The following PTPRO variants were observed in gnomAD, a reference collection of about 807,000 sequenced individuals.
PTPRO encodes receptor-type tyrosine-protein phosphatase O.
In PTPRO, 62 loss-of-function variants were observed where a neutral mutation model predicts 145.2. The ratio of observed to expected loss-of-function variants is 0.43; its 90% CI spans 0.35 to 0.53. The LOEUF is 0.53. PTPRO is among the 20% of genes least tolerant of loss of function. The pLI is 0.01. For synonymous variants in PTPRO, 565 were observed against 514.7 expected (o/e 1.10, Z -1.32); for missense variants, 1,345 against 1,482.7 (o/e 0.91, Z 1.53).
At chr12:15,374,787 T>C (rs1297128133) in intron 1 of PTPRO, among the ~76,000 whole-genome samples, 1 of 152,174 alleles carries the variant, frequency 6.6e-6, no homozygotes, top group Non-Finnish European at 1.5e-5. Flanking sequence ...AAGGAAGACC[T>C]GCCAATGAGA....
chr12:15,457,799 T>G (rs2136391020), intron 1 of PTPRO, among the ~76,000 whole-genome samples: 1 of 152,320 alleles, frequency 6.6e-6, no homozygotes, highest in South Asian at 2.1e-4. Context: ...TGTTTTTATA[T>G]TATGTATCTT....
At chr12:15,326,828 T>C (rs181608363) in intron 1 of PTPRO, among the ~76,000 whole-genome samples, 37 of 152,318 alleles carry the variant, frequency 2.4e-4, no homozygotes, top group Non-Finnish European at 5.0e-4. Context: ...ACAGTTTCAG[T>C]GATGTTGCAT....
intron 1 of PTPRO, among the ~76,000 whole-genome samples, chr12:15,360,700 T>C (rs935370716): frequency 1.3e-5 from 2 of 151,508 alleles, no homozygotes; most frequent in African/African-American, 4.8e-5. Flanking sequence ...TATTTATATG[T>C]GTTTAAACAT....
chr12:15,326,122 G>C (rs1039985178), intron 1 of PTPRO, among the ~76,000 whole-genome samples: 3 of 151,824 alleles, frequency 2.0e-5, no homozygotes, highest in Non-Finnish European at 4.4e-5. Context: ...GTCTCCCCTC[G>C]CAACCCCATA....
chr12:15,358,057 TA>T, intron 1 of PTPRO, among the ~76,000 whole-genome samples: 1 of 151,584 alleles, frequency 6.6e-6, no homozygotes, highest in Non-Finnish European at 1.5e-5. Context: ...TATGCTGGCA[TA>T]AAAAATGATG....
In PTPRO at chr12:15,383,910, C is replaced by T. The variant is rs78835950; in HGVS notation, c.75+61109C>T. On this transcript the variant is annotated intron_variant, in intron 1 of 26. Transcript: ENST00000281171. ...GGCTTTGCAAAATCACTTCAAAATA[C>T]GTCAAAGAAATCTATTTTGGGGTAA... Among the ~76,000 whole-genome samples, 38 of 152,250 alleles carry T rather than the reference C, an allele frequency of 2.5e-4. No homozygotes were observed. In the East Asian group the frequency reaches 4.8e-3, roughly 19 times the overall value.
At chr12:15,340,351 G>A (rs1264692387) in intron 1 of PTPRO, among the ~76,000 whole-genome samples, 1 of 152,064 alleles carries the variant, frequency 6.6e-6, no homozygotes, top group East Asian at 1.9e-4. Flanking sequence ...TCTTACTACG[G>A]AAATATCTCG....
At chr12:15,585,836 G>C (rs1025763827) in intron 23 of PTPRO, among the ~76,000 whole-genome samples, 6 of 152,168 alleles carry the variant, frequency 3.9e-5, no homozygotes, top group Non-Finnish European at 8.8e-5. Context: ...ACTCTTACAA[G>C]TTAGTTGGGA....
intron 19 of PTPRO, among the ~76,000 whole-genome samples, chr12:15,573,699 A>G (rs1056103702): frequency 6.6e-6 from 1 of 152,138 alleles, no homozygotes; most frequent in Non-Finnish European, 1.5e-5. Context: ...CGCTGGTCCA[A>G]TTTACTTCCT....
chr12:15,588,163 C>G (rs1944469567), intron 24 of PTPRO, among the ~76,000 whole-genome samples: 1 of 152,186 alleles, frequency 6.6e-6, no homozygotes. Context: ...TCACAGATTC[C>G]TTTCATGGAA....
At chr12:15,516,544 G>T (rs1288529837) in intron 8 of PTPRO, among the ~76,000 whole-genome samples, 1 of 125,984 alleles carries the variant, frequency 7.9e-6, no homozygotes, top group African/African-American at 2.9e-5. Flanking sequence ...ATGAAAGGAG[G>T]GAGGGAGGGA....
chr12:15,492,980 A>C (rs1942029838), intron 2 of PTPRO, among the ~76,000 whole-genome samples: 1 of 152,220 alleles, frequency 6.6e-6, no homozygotes, highest in Admixed American at 6.5e-5. Flanking sequence ...TAAGTACCTA[A>C]TAGAGTAATT....
chr12:15,355,144 G>A (rs1937944561), intron 1 of PTPRO, among the ~76,000 whole-genome samples: 1 of 152,148 alleles, frequency 6.6e-6, no homozygotes, highest in South Asian at 2.1e-4. Context: ...CACATTGGTG[G>A]CATTTCCCTA....
intron 1 of PTPRO, among the ~76,000 whole-genome samples, chr12:15,345,168 C>A (rs2136222354): frequency 6.6e-6 from 1 of 152,280 alleles, no homozygotes; most frequent in Non-Finnish European, 1.5e-5. Context: ...AAAGCAATGA[C>A]AGTTTTGAGC....
intron 4 of PTPRO, 57 bp from the exon 5 acceptor site, chr12:15,501,563 G>A: frequency 1.4e-6 from 2 of 1,459,590 alleles, no homozygotes; most frequent in South Asian, 1.2e-5. Flanking sequence ...AAGAGATTAA[G>A]TATTCACTCT....
chr12:15,466,880 G>A (rs991793861), intron 1 of PTPRO, among the ~76,000 whole-genome samples: 1 of 152,124 alleles, frequency 6.6e-6, no homozygotes, highest in African/African-American at 2.4e-5. Flanking sequence ...AAAGAATAAG[G>A]AATCATCCGT....
intron 6 of PTPRO, among the ~76,000 whole-genome samples, chr12:15,504,503 T>A (rs974813586): frequency 6.6e-6 from 1 of 152,192 alleles, no homozygotes; most frequent in Non-Finnish European, 1.5e-5. Context: ...TACACCCCGA[T>A]GGTCTCAATA....
At chr12:15,405,090 C>A (rs995952375) in intron 1 of PTPRO, among the ~76,000 whole-genome samples, 1 of 152,190 alleles carries the variant, frequency 6.6e-6, no homozygotes, top group Non-Finnish European at 1.5e-5. Flanking sequence ...AAAGCTCCAC[C>A]TCCAAATATC....
At chr12:15,336,926 C>T (rs1866783308) in intron 1 of PTPRO, among the ~76,000 whole-genome samples, 1 of 152,176 alleles carries the variant, frequency 6.6e-6, no homozygotes, top group African/African-American at 2.4e-5. Context: ...CTGACCTAAG[C>T]CCATGTGGGG....
Sources: gnomAD v4.1 joint callset for allele counts (sites outside exome capture counted in the v4.1 genomes callset) on GRCh38, gnomAD v4.1.1 for gene constraint, MANE v1.5 for transcripts, NCBI Gene and HGNC (gene_info 2026-07-23, HGNC 2026-07-21) for gene names.